Variants in RAPGEF5 observed in about 807,000 individuals in gnomAD.
The protein encoded by RAPGEF5 is M-Ras-regulated GEF.
In RAPGEF5, 65 loss-of-function variants were observed where a neutral mutation model predicts 125.2. That is an observed-to-expected ratio of 0.52 (90% CI 0.43 to 0.64). The LOEUF (loss-of-function observed/expected upper bound fraction) is 0.64, where lower values mean the gene tolerates loss of function less well. Among genes scored for constraint, RAPGEF5 ranks in the 30% least tolerant of loss-of-function variants. The pLI, the probability that RAPGEF5 is intolerant of heterozygous loss-of-function variation, is 0.00. For synonymous variants in RAPGEF5, 391 were observed against 385.9 expected, an observed-to-expected ratio of 1.01 and a Z score of -0.16; for missense variants, 958 against 1,048.1, an observed-to-expected ratio of 0.91 and a Z score of 1.19.
chr7:22,273,304 C>T (rs1024318312), intron 6 of RAPGEF5, among the ~76,000 whole-genome samples: 9 of 149,440 alleles, frequency 6.0e-5, no homozygotes, highest in East Asian at 2.0e-4. Flanking sequence ...CTGCAAGCTC[C>T]GCCTCCCGGG....
At chr7:22,340,268 G>C (rs1302634792) in intron 1 of RAPGEF5, among the ~76,000 whole-genome samples, 1 of 152,194 alleles carries the variant, frequency 6.6e-6, no homozygotes, top group Non-Finnish European at 1.5e-5. Flanking sequence ...CAGCCCACCA[G>C]AGAAGCCTCC....
rs548493917 is a variant in RAPGEF5 at position 22,333,256 on chromosome 7, AC to A, written c.232-15220del. Among the ~76,000 whole-genome samples, 735 of 152,278 alleles carry A rather than the reference AC, an allele frequency of 4.8e-3. 14 individuals carry two copies. The highest frequency in any genetic ancestry group is 0.017 in the African/African-American group (707 of 41,544). The stretch of plus-strand genomic sequence containing the variant: ...ATCAGGTTGAACTGCATGACTATAT[AC>A]CCAGATACAGTGGGGGGTCAGGGGG... On this transcript the variant is annotated intron_variant, in intron 1 of 25. Transcript: ENST00000665637.
At chr7:22,247,946 G>A (rs1786521405) in intron 7 of RAPGEF5, among the ~76,000 whole-genome samples, 1 of 152,072 alleles carries the variant, frequency 6.6e-6, no homozygotes, top group Non-Finnish European at 1.5e-5. Flanking sequence ...ACAAAAAGAT[G>A]GCAACAATAG....
chr7:22,133,342 G>A (rs918255203), intron 23 of RAPGEF5, among the ~76,000 whole-genome samples: 1 of 152,168 alleles, frequency 6.6e-6, no homozygotes, highest in African/African-American at 2.4e-5. Context: ...TGAATGGCAG[G>A]TGCATGACAC....
intron 11 of RAPGEF5, among the ~76,000 whole-genome samples, chr7:22,177,528 G>A (rs1421426712): frequency 6.6e-6 from 1 of 152,232 alleles, no homozygotes. Context: ...TAGCGGCCTC[G>A]CTAGTTAAAT....
chr7:22,308,192 T>C lies in RAPGEF5; in HGVS notation c.680+147A>G, dbSNP rs1783388002. The C allele has an allele frequency of 2.2e-5, 18 of 817,608 alleles. No homozygotes were observed. In the South Asian group the frequency reaches 4.8e-4, roughly 22 times the overall value. The allele number at this position is 817,608 out of a possible 1,614,324, so 50.6% of individuals were successfully genotyped here. A position where few individuals can be genotyped will look rare whatever the true frequency, so the allele number is the denominator to read the frequency against. On this transcript the variant is annotated intron_variant, in intron 5 of 25. Transcript: ENST00000665637. ...GGATTTAATTTTCTGCAATTTATTT[T>C]ATCTTTCTAAATGTGCATCTGAAAA...
At chr7:22,283,676 G>T (rs150512194) in intron 6 of RAPGEF5, among the ~76,000 whole-genome samples, 1,525 of 152,142 alleles carry the variant, frequency 0.01, 16 homozygotes, top group Non-Finnish European at 0.015. Context: ...GAGTCAAATG[G>T]TATATTTCTA....
chr7:22,153,446 A>G (rs1783696047), intron 17 of RAPGEF5, among the ~76,000 whole-genome samples: 1 of 152,162 alleles, frequency 6.6e-6, no homozygotes, highest in Non-Finnish European at 1.5e-5. Context: ...AAGATATACA[A>G]TTAGAGCCCT....
chr7:22,294,118 G>GAGAGAGAGAGAGAGAGAC (rs1782997073), intron 5 of RAPGEF5, among the ~76,000 whole-genome samples: 1 of 123,022 alleles, frequency 8.1e-6, no homozygotes, highest in Non-Finnish European at 1.8e-5. Context: ...GCTCGTGAAT[G>GAGAGAGAGAGAGAGAGAC]AGAGAGAGAG....
At chr7:22,313,225 T>C (rs368782159) in intron 3 of RAPGEF5, among the ~76,000 whole-genome samples, 1 of 152,246 alleles carries the variant, frequency 6.6e-6, no homozygotes, top group African/African-American at 2.4e-5. Context: ...AATTAATTCA[T>C]AGTAATGCTA....
chr7:22,342,260 A>G (rs1373216111), intron 1 of RAPGEF5, among the ~76,000 whole-genome samples: 2 of 152,220 alleles, frequency 1.3e-5, no homozygotes, highest in African/African-American at 4.8e-5. Flanking sequence ...GCTGGGACAC[A>G]GGACACCAAG....
At chr7:22,294,046 A>T (rs1782994936) in intron 5 of RAPGEF5, among the ~76,000 whole-genome samples, 1 of 152,240 alleles carries the variant, frequency 6.6e-6, no homozygotes, top group African/African-American at 2.4e-5. Context: ...AAACAGATGC[A>T]GCAGAGGAAA....
At chr7:22,295,913 A>C (rs1783049745) in intron 5 of RAPGEF5, among the ~76,000 whole-genome samples, 1 of 152,142 alleles carries the variant, frequency 6.6e-6, no homozygotes, top group Admixed American at 6.5e-5. Context: ...CTGGCCAGAG[A>C]GTGTGAATCC....
intron 11 of RAPGEF5, among the ~76,000 whole-genome samples, chr7:22,171,860 A>G (rs2128117543): frequency 6.6e-6 from 1 of 152,226 alleles, no homozygotes; most frequent in East Asian, 1.9e-4. Flanking sequence ...TTATTGGCTT[A>G]TCAATAAATT....
chr7:22,264,870 C>T (rs538091421), intron 7 of RAPGEF5, among the ~76,000 whole-genome samples: 1 of 152,212 alleles, frequency 6.6e-6, no homozygotes, highest in South Asian at 2.1e-4. Context: ...CTTCAAGACA[C>T]TGTCATCCCA....
chr7:22,320,643 A>G (rs1467513613), intron 1 of RAPGEF5, among the ~76,000 whole-genome samples: 1 of 152,062 alleles, frequency 6.6e-6, no homozygotes, highest in Non-Finnish European at 1.5e-5. Flanking sequence ...CCATCTTGGA[A>G]TCCCTTGGTT....
At chr7:22,183,660 C>T (rs1166798019) in intron 11 of RAPGEF5, among the ~76,000 whole-genome samples, 2 of 152,088 alleles carry the variant, frequency 1.3e-5, no homozygotes, top group African/African-American at 2.4e-5. Flanking sequence ...ACAGGAAAAC[C>T]GGGGTTCAGG....
chr7:22,154,757 T>G (rs1783751335), intron 16 of RAPGEF5, among the ~76,000 whole-genome samples, 153 bp from the exon 17 acceptor site: 1 of 152,312 alleles, frequency 6.6e-6, no homozygotes. Context: ...TTTTTATATA[T>G]GTACATGAGC....
Position 22,189,052 on chromosome 7 carries a change from T to TTA in RAPGEF5, c.1204+4314_1204+4315insTA, listed in dbSNP as rs1784910027. Among the ~76,000 whole-genome samples the TTA allele has an allele frequency of 2.4e-5, 3 of 126,162 alleles. No homozygotes were observed. In the South Asian group the frequency reaches 8.0e-4, roughly 34 times the overall value. The allele number at this position is 126,162 out of a possible 152,430, so 82.8% of individuals were successfully genotyped here. On this transcript the variant is annotated intron_variant, in intron 11 of 25. Coordinates refer to ENST00000665637, the MANE Select transcript of RAPGEF5 (RefSeq NM_012294.5). ...ATACTGAATGATAACCTCATGAAAT[T>TTA]AAAAAAAAAAAAAAAAAAGCAGCCA...
Sources: allele counts gnomAD v4.1 joint callset (sites outside exome capture counted in the v4.1 genomes callset), GRCh38; gene constraint gnomAD v4.1.1; transcripts MANE v1.5; gene names NCBI Gene and HGNC (gene_info 2026-07-23, HGNC 2026-07-21).